Variants in CCDC91 observed in about 807,000 individuals in gnomAD.
The protein encoded by CCDC91 is coiled-coil domain-containing protein 91.
In CCDC91, 48 loss-of-function variants were observed where a neutral mutation model predicts 63.2. The ratio of observed to expected loss-of-function variants is 0.76; its 90% CI spans 0.60 to 0.97. CCDC91 has a LOEUF of 0.97. CCDC91 is among the 50% of genes least tolerant of loss of function. The pLI is 0.00. For missense variants in CCDC91, 500 were observed against 494.6 expected (o/e 1.01, Z -0.10); for synonymous variants, 167 against 165.8 (o/e 1.01, Z -0.06).
chr12:28,254,953 A>G (rs2136142321), intron 1 of CCDC91, among the ~76,000 whole-genome samples: 1 of 152,048 alleles, frequency 6.6e-6, no homozygotes, highest in South Asian at 2.1e-4. Context: ...TTGTATTTTT[A>G]GTAGAGGCAG....
intron 12 of CCDC91, among the ~76,000 whole-genome samples, chr12:28,504,133 AT>A (rs1371143538): frequency 2.0e-5 from 3 of 151,626 alleles, no homozygotes; most frequent in Non-Finnish European, 3.0e-5. Context: ...CCAAAAAAAA[AT>A]AAGTATATTC....
chr12:28,476,439 A>C (rs536062944), intron 11 of CCDC91, among the ~76,000 whole-genome samples: 2 of 152,276 alleles, frequency 1.3e-5, no homozygotes, highest in Admixed American at 6.6e-5. Context: ...AAGGCACAAC[A>C]TTCCAGAATC....
At chr12:28,391,442 A>G in intron 8 of CCDC91, 31 bp downstream of exon 8, 1 of 1,312,924 alleles carries the variant, frequency 7.6e-7, no homozygotes, top group Non-Finnish European at 1.1e-6. Context: ...TTATATATTT[A>G]TACTTTTCCC....
At chr12:28,205,377 T>A (rs1225873034) in intron 1 of CCDC91, among the ~76,000 whole-genome samples, 2 of 152,112 alleles carry the variant, frequency 1.3e-5, no homozygotes, top group Admixed American at 1.3e-4. Flanking sequence ...AGGTTATTCA[T>A]ACTAAAGTCA....
intron 8 of CCDC91, among the ~76,000 whole-genome samples, chr12:28,411,310 T>TA (rs766586086): frequency 2.6e-5 from 4 of 152,178 alleles, no homozygotes; most frequent in Non-Finnish European, 4.4e-5. Flanking sequence ...TTTTAAAACA[T>TA]ATGATTTCCT....
chr12:28,415,416 T>C (rs1283640271), intron 8 of CCDC91, among the ~76,000 whole-genome samples: 1 of 151,716 alleles, frequency 6.6e-6, no homozygotes, highest in Non-Finnish European at 1.5e-5. Flanking sequence ...AGAGACGGGG[T>C]TTCTCCATGT....
At chr12:28,497,065 C>T (rs549601707) in intron 12 of CCDC91, among the ~76,000 whole-genome samples, 1 of 150,454 alleles carries the variant, frequency 6.6e-6, no homozygotes, top group African/African-American at 2.4e-5. Context: ...AGTTATAGTA[C>T]TTTTTTCATA....
At position 28,419,882 on chromosome 12, in the gene CCDC91, G is replaced by C. The variant is rs116630683; in HGVS notation, c.762+28471G>C. ...AGCTATCCTAACACCTAAGCCTTTT[G>C]AGTAGCTGGGACTACAGGCACATGG... On this transcript the variant is annotated intron_variant, in intron 8 of 12. Transcript: ENST00000536442. Among the ~76,000 whole-genome samples, 688 of 151,178 alleles carry C rather than the reference G, an allele frequency of 4.6e-3. 8 individuals are homozygous for C. The highest frequency in any genetic ancestry group is 0.014 in the African/African-American group (578 of 41,126).
At chr12:28,321,198 A>G (rs1940462775) in intron 6 of CCDC91, among the ~76,000 whole-genome samples, 1 of 151,810 alleles carries the variant, frequency 6.6e-6, no homozygotes, top group African/African-American at 2.4e-5. Flanking sequence ...ACTTGCTGAG[A>G]CAGCCTTTTT....
At chr12:28,278,350 T>C (rs1469635297) in intron 3 of CCDC91, among the ~76,000 whole-genome samples, 4 of 152,066 alleles carry the variant, frequency 2.6e-5, no homozygotes, top group Admixed American at 1.3e-4. Flanking sequence ...CTTGATCCTT[T>C]TATATTTTCA....
chr12:28,204,001 T>C (rs1942660481), intron 1 of CCDC91, among the ~76,000 whole-genome samples: 1 of 152,200 alleles, frequency 6.6e-6, no homozygotes, highest in African/African-American at 2.4e-5. Flanking sequence ...AGTTTTTCCT[T>C]GATTTTGTGA....
chr12:28,437,904 GGTCTGATTCTAA>G (rs1378467978), intron 8 of CCDC91, among the ~76,000 whole-genome samples: 3 of 151,910 alleles, frequency 2.0e-5, no homozygotes, highest in African/African-American at 7.3e-5. Flanking sequence ...TTTTTTTAAA[GGTCTGATTCTAA>G]CTGTATTAGG....
At chr12:28,475,829 T>C (rs1230407309) in intron 11 of CCDC91, among the ~76,000 whole-genome samples, 2 of 151,990 alleles carry the variant, frequency 1.3e-5, no homozygotes, top group Non-Finnish European at 2.9e-5. Flanking sequence ...CAATTTTCTA[T>C]ATAAATTACC....
At chr12:28,531,531 T>C (rs530236529) in intron 12 of CCDC91, among the ~76,000 whole-genome samples, 2 of 152,298 alleles carry the variant, frequency 1.3e-5, no homozygotes, top group Middle Eastern at 3.4e-3. Flanking sequence ...TAATAGATAA[T>C]GTAAAATTTA....
At chr12:28,267,957 A>T (rs1947456241) in intron 3 of CCDC91, among the ~76,000 whole-genome samples, 1 of 109,112 alleles carries the variant, frequency 9.2e-6, no homozygotes, top group Non-Finnish European at 1.7e-5. Context: ...TATTATATAT[A>T]ATTATATATA....
In CCDC91 at chr12:28,452,517, G is replaced by T; in HGVS notation, c.964G>T (p.Val322Leu). Residue 322 changes from valine to leucine, a missense_variant, in exon 11 of 13, where the codon GTA (valine) becomes TTA (leucine). Physicochemically the swap from Val to Leu is conservative, Grantham distance 32 (BLOSUM62 1). Transcript: ENST00000536442. ...EAVKDAVLKV[V>L]EEERKNLEKA... ...AGTGAAGGATGCAGTTTTAAAAGTC[G>T]TAGAAGAAGAAAGAAAAAATTTAGA... The T allele has an allele frequency of 6.3e-7, 1 of 1,585,384 alleles. No individual in the cohort carries two copies. The highest frequency in any genetic ancestry group is 8.6e-7 in the Non-Finnish European group (1 of 1,166,094).
chr12:28,277,387 G>T (rs1326585699), intron 3 of CCDC91, among the ~76,000 whole-genome samples: 1 of 151,860 alleles, frequency 6.6e-6, no homozygotes, highest in Non-Finnish European at 1.5e-5. Context: ...TTGACTTTTA[G>T]CTAATTCAGT....
At chr12:28,472,481 AT>A (rs1950870547) in intron 11 of CCDC91, among the ~76,000 whole-genome samples, 1 of 152,204 alleles carries the variant, frequency 6.6e-6, no homozygotes, top group African/African-American at 2.4e-5. Context: ...ATGGATTACA[AT>A]TTTTAATATA....
chr12:28,388,526 A>G (rs1021976136), intron 7 of CCDC91, among the ~76,000 whole-genome samples: 1 of 152,210 alleles, frequency 6.6e-6, no homozygotes, highest in African/African-American at 2.4e-5. Flanking sequence ...GCAAAAACAT[A>G]AAATACTTAG....
Sources: gnomAD v4.1 joint callset for allele counts (sites outside exome capture counted in the v4.1 genomes callset) on GRCh38, gnomAD v4.1.1 for gene constraint, MANE v1.5 for transcripts, NCBI Gene and HGNC (gene_info 2026-07-23, HGNC 2026-07-21) for gene names.